Variants in EYS observed in about 807,000 individuals in gnomAD.
EYS encodes the protein EGF-like photoreceptor maintenance factor, also known as protein eyes shut homolog.
In EYS, 250 loss-of-function variants were observed where a neutral mutation model predicts 282.1. The ratio of observed to expected loss-of-function variants is 0.89; its 90% CI spans 0.80 to 0.98. The LOEUF is 0.98. Ranked by LOEUF, EYS falls within the 50% of genes least tolerant of loss-of-function variation. The probability of loss-of-function intolerance (pLI) is 0.00; values close to 1 mark genes in which losing one functional copy is unlikely to be tolerated. For synonymous variants in EYS, 1,355 were observed against 1,282.9 expected (o/e 1.06, Z -1.20); for missense variants, 4,016 against 3,709.0 (o/e 1.08, Z -2.15).
intron 26 of EYS, among the ~76,000 whole-genome samples, chr6:64,443,613 C>T (rs1775024700): frequency 6.6e-6 from 1 of 152,160 alleles, no homozygotes; most frequent in African/African-American, 2.4e-5. Flanking sequence ...ATCATGGGGA[C>T]AGGTCTTTCC....
intron 22 of EYS, among the ~76,000 whole-genome samples, chr6:64,809,870 C>T (rs1484720051): frequency 6.6e-6 from 1 of 152,032 alleles, no homozygotes; most frequent in Non-Finnish European, 1.5e-5. Flanking sequence ...GGGTGCTGTA[C>T]TTACAGCCTG....
chr6:64,394,221 G>A (rs1340814844), intron 28 of EYS, among the ~76,000 whole-genome samples: 1 of 152,172 alleles, frequency 6.6e-6, no homozygotes, highest in Non-Finnish European at 1.5e-5. Context: ...GTAATTTACA[G>A]ATTCATTGCC....
chr6:64,979,218 A>G (rs1212849980), intron 14 of EYS, among the ~76,000 whole-genome samples: 1 of 151,840 alleles, frequency 6.6e-6, no homozygotes, highest in Non-Finnish European at 1.5e-5. Context: ...GTAGACTAGA[A>G]TCAAAGCCAC....
At position 64,887,436 on chromosome 6, in the gene EYS, TAAAC is replaced by T. The variant is rs911618840; in HGVS notation, c.2847-598_2847-595del. 6.1e-5 allele frequency among the ~76,000 whole-genome samples: 9 copies of T among 147,188 alleles called. No individual in the cohort carries two copies. In the South Asian group the frequency reaches 1.5e-3, roughly 25 times the overall value. On this transcript the variant is annotated intron_variant, in intron 18 of 42. Coordinates refer to ENST00000503581, the MANE Select transcript of EYS (RefSeq NM_001142800.2). ...CCTGAAACTTAAAGTATAATAATAA[TAAAC>T]AAACAAAAAAAAAGAAATAATTTCC...
intron 22 of EYS, among the ~76,000 whole-genome samples, chr6:64,779,936 A>G (rs988090761): frequency 2.0e-5 from 3 of 152,222 alleles, no homozygotes; most frequent in Non-Finnish European, 4.4e-5. Context: ...GGCCACCATA[A>G]ATGCTAACTT....
intron 14 of EYS, among the ~76,000 whole-genome samples, chr6:64,995,512 A>G (rs1771224612): frequency 6.6e-6 from 1 of 152,170 alleles, no homozygotes; most frequent in African/African-American, 2.4e-5. Context: ...TTTGAGCTTT[A>G]ATATTTTAAG....
chr6:64,298,536 C>T (rs1015986682), intron 30 of EYS, among the ~76,000 whole-genome samples: 51 of 151,528 alleles, frequency 3.4e-4, no homozygotes, highest in Non-Finnish European at 1.0e-4. Flanking sequence ...TAGCTATATA[C>T]AAAATAAAAT....
chr6:65,670,323 T>G (rs1768353018), intron 1 of EYS, among the ~76,000 whole-genome samples: 1 of 152,148 alleles, frequency 6.6e-6, no homozygotes, highest in South Asian at 2.1e-4. Context: ...ATGGACCTTT[T>G]GGTTTCCCTT....
In EYS at chr6:63,859,111, T is replaced by TTTTTTTTTTTTTA. The variant is rs796999871; in HGVS notation, c.7228+5074_7228+5075insTAAAAAAAAAAAA. Reference sequence around the variant, plus strand: ...TTTTTTTTTTTTTTTTTTTTTTTTTTAATAGCTGGGATGGAGATGCAGCCT... The same window carrying TTTTTTTTTTTTTA: ...TTTTTTTTTTTTTTTTTTTTTTTTTTTTTTTTTTTTTTAAATAGCTGGGATGGAGATGCAGCCT... On this transcript the variant is annotated intron_variant, in intron 36 of 42. Coordinates refer to ENST00000503581, the MANE Select transcript of EYS (RefSeq NM_001142800.2). 4.9e-4 allele frequency among the ~76,000 whole-genome samples: 35 copies of TTTTTTTTTTTTTA among 71,204 alleles called. 12 individuals carry two copies. Among genetic ancestry groups the TTTTTTTTTTTTTA allele is most frequent in the African/African-American group, 1.9e-3 (30 of 15,790 alleles). 46.7% of individuals were successfully genotyped at this position (71,204 alleles called of 152,430 possible).
At chr6:64,616,003 T>C (rs765590688) in intron 24 of EYS, among the ~76,000 whole-genome samples, 2 of 152,094 alleles carry the variant, frequency 1.3e-5, no homozygotes, top group Non-Finnish European at 2.9e-5. Flanking sequence ...TATTAATAGA[T>C]TCATATTTCA....
chr6:65,503,982 T>C (rs1484252959), intron 2 of EYS, among the ~76,000 whole-genome samples: 3 of 151,696 alleles, frequency 2.0e-5, no homozygotes, highest in Admixed American at 2.0e-4. Flanking sequence ...GTGCCAATTT[T>C]GGCAAAATAG....
chr6:64,458,449 T>G (rs1424449997), intron 26 of EYS, among the ~76,000 whole-genome samples: 3 of 152,070 alleles, frequency 2.0e-5, no homozygotes, highest in Non-Finnish European at 4.4e-5. Flanking sequence ...TAAGATAATC[T>G]TGGTTAATAA....
At chr6:63,761,324 C>G (rs898599144) in intron 41 of EYS, among the ~76,000 whole-genome samples, 2 of 151,932 alleles carry the variant, frequency 1.3e-5, no homozygotes, top group Admixed American at 1.3e-4. Flanking sequence ...CTATGAGAGA[C>G]TGATTTATGT....
chr6:64,061,566 C>A (rs962441209), intron 33 of EYS, among the ~76,000 whole-genome samples: 1 of 152,078 alleles, frequency 6.6e-6, no homozygotes, highest in Non-Finnish European at 1.5e-5. Context: ...TCCCTTCTGT[C>A]CTACAGATGT....
At chr6:65,511,846 T>A (rs1766879923) in intron 2 of EYS, among the ~76,000 whole-genome samples, 1 of 151,860 alleles carries the variant, frequency 6.6e-6, no homozygotes, top group Admixed American at 6.6e-5. Context: ...TCTCAGCTAC[T>A]TGAGAGGTCC....
At chr6:65,060,338 C>T (rs1194570428) in intron 12 of EYS, among the ~76,000 whole-genome samples, 3 of 151,766 alleles carry the variant, frequency 2.0e-5, no homozygotes, top group Admixed American at 1.3e-4. Flanking sequence ...AATACGTATA[C>T]ACCCATAGGG....
rs1554194865 is a variant in EYS at position 64,703,429 on chromosome 6, ATTTT to A, written c.3444-77188_3444-77185del. The stretch of plus-strand genomic sequence containing the variant: ...CACACACATATATATATATATATAT[ATTTT>A]TTTTTTTTTTTTTTGAGATGGAGCC... On this transcript the variant is annotated intron_variant, in intron 22 of 42. Coordinates refer to ENST00000503581, the MANE Select transcript of EYS (RefSeq NM_001142800.2). 1.0e-3 allele frequency among the ~76,000 whole-genome samples: 24 copies of A among 23,358 alleles called. 1 individual carries two copies. Among genetic ancestry groups the A allele is most frequent in the African/African-American group, 2.3e-3 (24 of 10,468 alleles). The allele number at this position is 23,358 out of a possible 152,430, so 15.3% of individuals were successfully genotyped here. A position where few individuals can be genotyped will look rare whatever the true frequency, so the allele number is the denominator to read the frequency against.
intron 30 of EYS, among the ~76,000 whole-genome samples, chr6:64,302,418 A>G (rs1272964662): frequency 1.3e-5 from 2 of 152,198 alleles, no homozygotes; most frequent in African/African-American, 4.8e-5. Flanking sequence ...AGATATGTAC[A>G]TGGATCAATT....
At chr6:64,401,433 C>G (rs1425862732) in intron 28 of EYS, among the ~76,000 whole-genome samples, 1 of 151,878 alleles carries the variant, frequency 6.6e-6, no homozygotes, top group African/African-American at 2.4e-5. Flanking sequence ...CAAATGTATG[C>G]TTTTAAGAAA....
Sources: gnomAD v4.1 joint callset for allele counts (sites outside exome capture counted in the v4.1 genomes callset) on GRCh38, gnomAD v4.1.1 for gene constraint, MANE v1.5 for transcripts, NCBI Gene and HGNC (gene_info 2026-07-23, HGNC 2026-07-21) for gene names.